The following TRIM35 variants were observed in gnomAD, a reference collection of about 807,000 sequenced individuals.
TRIM35 encodes E3 ubiquitin-protein ligase TRIM35.
In TRIM35, 37 loss-of-function variants were observed where a neutral mutation model predicts 49.1. That is an observed-to-expected ratio of 0.75 (90% confidence interval 0.58 to 0.99). TRIM35 has a LOEUF of 0.99. Ranked by LOEUF, TRIM35 falls within the 50% of genes least tolerant of loss-of-function variation. The pLI is 0.00. For missense variants in TRIM35, 648 were observed against 702.7 expected (o/e 0.92, Z 0.88); for synonymous variants, 302 against 289.3 (o/e 1.04, Z -0.45).
At chr8:27,301,942 C>T (rs7813625) in intron 1 of TRIM35, among the ~76,000 whole-genome samples, 85,575 of 151,998 alleles carry the variant, frequency 0.56, 24,688 homozygotes, top group African/African-American at 0.66. Context: ...CCATTACTGC[C>T]CACTGGTCTG....
Position 27,294,165 on chromosome 8 carries a change from T to A in TRIM35, c.677A>T (p.Gln226Leu). ...CAGCACCTCCGTCTCCTCTGTGAGCTGCTTCATCTTCTCGTCGGCCAGAAG... is the reference window on the plus strand; with the variant it reads ...CAGCACCTCCGTCTCCTCTGTGAGCAGCTTCATCTTCTCGTCGGCCAGAAG... ...KQLLADEKMKQLTEETEVLAH... is the reference protein window; with the variant it reads ...KQLLADEKMKLLTEETEVLAH... The change falls in exon 3 of 6, where the codon CAG (glutamine) becomes CTG (leucine). Residue 226 changes from glutamine (Q) to leucine (L), a missense_variant. Gln to Leu is a moderately radical substitution (Grantham distance 113). Coordinates refer to ENST00000305364, the MANE Select transcript of TRIM35 (RefSeq NM_171982.5). 6.2e-7 allele frequency: 1 copy of A among 1,614,254 alleles called. No individual in the cohort carries two copies. Among genetic ancestry groups the A allele is most frequent in the South Asian group, 1.1e-5 (1 of 91,088 alleles).
chr8:27,293,969 T>G (rs1030379088), intron 3 of TRIM35, 111 bp downstream of exon 3: 6 of 1,039,330 alleles, frequency 5.8e-6, no homozygotes, highest in Non-Finnish European at 7.0e-6. Context: ...TCCAGGCCAG[T>G]ACCCAGGAAG....
chr8:27,300,552 G>C (rs1802662334), intron 1 of TRIM35, among the ~76,000 whole-genome samples: 2 of 151,892 alleles, frequency 1.3e-5, no homozygotes, highest in African/African-American at 4.8e-5. Flanking sequence ...CTAAGTTTTG[G>C]GGCAATTTGC....
At chr8:27,292,769 G>A (rs547162852) in intron 3 of TRIM35, among the ~76,000 whole-genome samples, 74 of 152,198 alleles carry the variant, frequency 4.9e-4, no homozygotes, top group African/African-American at 1.7e-3. Flanking sequence ...TTGTCGTGAT[G>A]GTTGCACAAC....
intron 1 of TRIM35, among the ~76,000 whole-genome samples, chr8:27,310,142 A>G (rs1351184151): frequency 6.6e-6 from 1 of 152,244 alleles, no homozygotes; most frequent in Admixed American, 6.5e-5. Flanking sequence ...ATGCTGAGTT[A>G]GGCTAACCCT....
chr8:27,287,645 AG>A lies in TRIM35; in HGVS notation c.1386del (p.Tyr463ThrfsTer134). ...TFHARFGEVR[P>X]YFYLGGARGA... ...CCCCGTGCACCCCCCAGGTAGAAGTAGGGGCGAACCTCCCCAAAGCGGGCGT... is the reference window on the plus strand; with the variant it reads ...CCCCGTGCACCCCCCAGGTAGAAGTAGGGCGAACCTCCCCAAAGCGGGCGT... On this transcript the variant is annotated frameshift_variant, in exon 6 of 6. Coordinates refer to ENST00000305364, the MANE Select transcript of TRIM35 (RefSeq NM_171982.5). LOFTEE classifies it high-confidence loss of function. The surrounding 1 kb of genome is among the most constrained non-coding windows in gnomAD (Gnocchi z 6.0). 1 of 1,609,988 alleles carries A rather than the reference AG, an allele frequency of 6.2e-7. No individual in the cohort carries two copies. The highest frequency in any genetic ancestry group is 8.5e-7 in the Non-Finnish European group (1 of 1,178,262).
intron 1 of TRIM35, among the ~76,000 whole-genome samples, chr8:27,298,942 G>A (rs1314520568): frequency 6.6e-6 from 1 of 152,182 alleles, no homozygotes; most frequent in African/African-American, 2.4e-5. Context: ...TGCAGACAGT[G>A]TGGTCATAGG....
rs1250497393 is a variant in TRIM35, at chr8:27,285,794, T to C, written c.*1756A>G. ...ATTATACAGAAATTATATTAATGGG[T>C]GGGATAAATACTTTACAGGAGAGGG... On this transcript the variant is annotated 3_prime_UTR_variant, in exon 6 of 6. Coordinates refer to ENST00000305364, the MANE Select transcript of TRIM35 (RefSeq NM_171982.5). The C allele has an allele frequency of 6.5e-6, 1 of 152,984 alleles. No homozygotes were observed. The highest frequency in any genetic ancestry group is 2.4e-5 in the African/African-American group (1 of 41,292). The allele number at this position is 152,984 out of a possible 1,614,324, so 9.5% of individuals were successfully genotyped here. A position where few individuals can be genotyped will look rare whatever the true frequency, so the allele number is the denominator to read the frequency against.
At chr8:27,309,135 A>C (rs530506939) in intron 1 of TRIM35, among the ~76,000 whole-genome samples, 6 of 152,126 alleles carry the variant, frequency 3.9e-5, no homozygotes, top group Non-Finnish European at 7.4e-5. Flanking sequence ...CTGCTCTTGA[A>C]TCCTGGCTTG....
At chr8:27,298,707 C>T in intron 1 of TRIM35, 148 bp from the exon 2 acceptor site, 2 of 675,538 alleles carry the variant, frequency 3.0e-6, no homozygotes, top group East Asian at 2.7e-5. Context: ...ATGCCAAGTG[C>T]TCTGGGCACA....
chr8:27,293,857 A>T (rs1802506323), intron 3 of TRIM35, among the ~76,000 whole-genome samples: 1 of 152,122 alleles, frequency 6.6e-6, no homozygotes, highest in Non-Finnish European at 1.5e-5. Context: ...TGTCTCTAAA[A>T]AAAAGAAGAG....
At position 27,287,629 on chromosome 8, in the gene TRIM35, C is replaced by T. The variant is rs144341265; in HGVS notation, c.1403G>A (p.Gly468Asp). 2.5e-5 allele frequency: 40 copies of T among 1,608,114 alleles called. No homozygotes were observed. The highest frequency in any genetic ancestry group is 3.2e-5 in the Non-Finnish European group (38 of 1,177,344). ...GEVRPYFYLG[G>D]ARGAGPPEPL... Reference sequence around the variant, plus strand: ...CTCTGGAGGCCCGGCGCCCCGTGCACCCCCCAGGTAGAAGTAGGGGCGAAC... The same window carrying T: ...CTCTGGAGGCCCGGCGCCCCGTGCATCCCCCAGGTAGAAGTAGGGGCGAAC... The change falls in exon 6 of 6, where the codon GGT (glycine) becomes GAT (aspartate). Residue 468 changes from glycine (G) to aspartate (D), a missense_variant. Physicochemically the swap from Gly to Asp is moderately conservative, Grantham distance 94. Transcript: ENST00000305364. This position sits in a 1 kb window ranked among gnomAD's most constrained non-coding sequence, Gnocchi z 6.0.
intron 2 of TRIM35, among the ~76,000 whole-genome samples, chr8:27,295,776 T>C (rs1253702179): frequency 6.6e-6 from 1 of 152,166 alleles, no homozygotes; most frequent in Non-Finnish European, 1.5e-5. Context: ...ACTGTGTGTA[T>C]GTTTACAGCT....
rs1802320934 is a variant in TRIM35 at position 27,286,428 on chromosome 8, G to A, written c.*1122C>T. 3.5e-6 allele frequency: 1 copy of A among 285,894 alleles called. No individual in the cohort carries two copies. The highest frequency in any genetic ancestry group is 9.2e-5 in the East Asian group (1 of 10,868). 17.7% of individuals were successfully genotyped at this position (285,894 alleles called of 1,614,324 possible). ...TCCTTTCTTCCCAACTGAAAAGGGT[G>A]CCCTCTTTCCTTCTTTTCTGCAGAC... On this transcript the variant is annotated 3_prime_UTR_variant, in exon 6 of 6. Coordinates refer to ENST00000305364, the MANE Select transcript of TRIM35 (RefSeq NM_171982.5).
At chr8:27,309,251 AT>A (rs774824261) in intron 1 of TRIM35, among the ~76,000 whole-genome samples, 14 of 152,020 alleles carry the variant, frequency 9.2e-5, no homozygotes, top group Non-Finnish European at 8.8e-5. Flanking sequence ...CTGAACCATG[AT>A]CCCTCCTTTA....
intron 2 of TRIM35, among the ~76,000 whole-genome samples, chr8:27,296,955 AT>A (rs56165225): frequency 3.2e-4 from 48 of 151,994 alleles, no homozygotes; most frequent in African/African-American, 9.9e-4. Context: ...TCTTATCTAA[AT>A]TTTTTTTTAA....
intron 4 of TRIM35, 119 bp downstream of exon 4, chr8:27,290,037 C>T: frequency 1.8e-6 from 2 of 1,139,372 alleles, no homozygotes; most frequent in Non-Finnish European, 2.6e-6. Context: ...GGGCCAGTAG[C>T]TCATGTGTGC....
intron 3 of TRIM35, 151 bp from the exon 4 acceptor site, chr8:27,290,329 C>T: frequency 1.3e-6 from 1 of 789,988 alleles, no homozygotes; most frequent in Non-Finnish European, 2.0e-6. Flanking sequence ...ATGATTTGAA[C>T]ATATTATCCA....
chr8:27,299,532 C>T lies in TRIM35; in HGVS notation c.436-973G>A, dbSNP rs80233878. The stretch of plus-strand genomic sequence containing the variant: ...AAGTGAGGCACAGAAGGGAAATGAC[C>T]AGCCCAAGGGCACACAGCTAGTATG... On this transcript the variant is annotated intron_variant, in intron 1 of 5. Transcript: ENST00000305364. 5.0e-3 allele frequency among the ~76,000 whole-genome samples: 760 copies of T among 152,268 alleles called. 9 individuals carry two copies. The highest frequency in any genetic ancestry group is 0.018 in the African/African-American group (736 of 41,544).
Sources: gnomAD v4.1 joint callset for allele counts (sites outside exome capture counted in the v4.1 genomes callset) on GRCh38, gnomAD v4.1.1 for gene constraint, Gnocchi (gnomAD v3.1) non-coding constraint, MANE v1.5 for transcripts, NCBI Gene and HGNC (gene_info 2026-07-23, HGNC 2026-07-21) for gene names.